SLC39A14: variants seen among roughly 807,000 people sequenced by gnomAD.
The protein encoded by SLC39A14 is solute carrier family 39 member 14.
A neutral mutation model predicts 45.5 loss-of-function variants in SLC39A14; 19 were observed. That is an observed-to-expected ratio of 0.42 (90% confidence interval 0.29 to 0.61). The LOEUF (loss-of-function observed/expected upper bound fraction) is 0.61, where lower values mean the gene tolerates loss of function less well. SLC39A14 is among the 20% of genes least tolerant of loss of function. The pLI is 0.22. For missense variants in SLC39A14, 447 were observed against 616.5 expected (o/e 0.73, Z 2.91); for synonymous variants, 264 against 251.3 (o/e 1.05, Z -0.48).
rs1199559125 is a variant in SLC39A14, at chr8:22,404,545, A to G, written c.-15-151A>G. On this transcript the variant is annotated intron_variant, in intron 1 of 8. Transcript: ENST00000381237. ...CGTTTTTATTCTGTGCTTTCAAAAG[A>G]AGGGTTTTTCTCAAAGGCTAATTCA... 23 of 656,264 alleles carry G rather than the reference A, an allele frequency of 3.5e-5. No homozygotes were observed. In the East Asian group the frequency reaches 5.4e-4, roughly 15 times the overall value. 40.7% of individuals were successfully genotyped at this position (656,264 alleles called of 1,614,324 possible).
At chr8:22,388,539 T>A (rs1257336465) in intron 1 of SLC39A14, among the ~76,000 whole-genome samples, 3 of 141,230 alleles carry the variant, frequency 2.1e-5, no homozygotes, top group Non-Finnish European at 4.6e-5. Flanking sequence ...GTTGGGAGGT[T>A]GTGCTTTGGG....
At chr8:22,381,212 T>A (rs1833489699) in intron 1 of SLC39A14, among the ~76,000 whole-genome samples, 1 of 152,058 alleles carries the variant, frequency 6.6e-6, no homozygotes, top group Non-Finnish European at 1.5e-5. Flanking sequence ...AACCTCGTGA[T>A]CTGCCCGCCT....
chr8:22,376,664 C>T (rs986993186), intron 1 of SLC39A14, among the ~76,000 whole-genome samples: 2 of 152,000 alleles, frequency 1.3e-5, no homozygotes, highest in African/African-American at 2.4e-5. Context: ...CAAAGGCCGA[C>T]GTCGGGAGTT....
chr8:22,401,755 C>T (rs929016515), intron 1 of SLC39A14, among the ~76,000 whole-genome samples: 1 of 151,778 alleles, frequency 6.6e-6, no homozygotes. Flanking sequence ...AGGCTGGTCT[C>T]GAACTCCTGA....
chr8:22,376,479 G>A (rs1002381434), intron 1 of SLC39A14, among the ~76,000 whole-genome samples: 5 of 151,256 alleles, frequency 3.3e-5, no homozygotes, highest in Admixed American at 1.3e-4. Context: ...CACTGCACTC[G>A]GCCATGTTGG....
chr8:22,419,967 A>G lies in SLC39A14; in HGVS notation c.*269A>G, dbSNP rs1168340758. 11 of 1,156,818 alleles carry G rather than the reference A, an allele frequency of 9.5e-6. No individual in the cohort carries two copies. The highest frequency in any genetic ancestry group is 9.6e-6 in the Non-Finnish European group (9 of 939,038). 71.7% of individuals were successfully genotyped at this position (1,156,818 alleles called of 1,614,324 possible). On this transcript the variant is annotated 3_prime_UTR_variant, in exon 9 of 9. Transcript: ENST00000381237. ...CTCTGGAACCTGAATGCAGCTTACA[A>G]GACAAGCCTGACTTTTTTCTCTGAT...
rs1357766263 is a variant in SLC39A14, at chr8:22,368,294, G to A, written c.-16+886G>A. Among the ~76,000 whole-genome samples the A allele has an allele frequency of 2.6e-5, 4 of 151,966 alleles. No individual in the cohort carries two copies. In the East Asian group the frequency reaches 5.8e-4, roughly 22 times the overall value. ...AGCCTGGTTTGGGTTTACGTCTTTA[G>A]TGGCTCTCCCCTAGGAGCCCCAGGC... On this transcript the variant is annotated intron_variant, in intron 1 of 8. Coordinates refer to ENST00000381237, the MANE Select transcript of SLC39A14 (RefSeq NM_001128431.4).
Position 22,416,291 on chromosome 8 carries a change from G to T in SLC39A14, c.1147+11G>T, listed in dbSNP as rs747993867. On this transcript the variant is annotated intron_variant, in intron 7 of 8. Coordinates refer to ENST00000381237, the MANE Select transcript of SLC39A14 (RefSeq NM_001128431.4). ...TCCCACATGAGCTAGGTAAGCGTGC[G>T]TCCCCCGTTCCACTGGTGCTCCCTT... 2.5e-6 allele frequency: 4 copies of T among 1,611,350 alleles called. No individual in the cohort carries two copies. Among genetic ancestry groups the T allele is most frequent in the Non-Finnish European group, 3.4e-6 (4 of 1,179,188 alleles).
At chr8:22,370,432 C>T (rs562479995) in intron 1 of SLC39A14, among the ~76,000 whole-genome samples, 2 of 152,270 alleles carry the variant, frequency 1.3e-5, no homozygotes, top group Admixed American at 1.3e-4. Flanking sequence ...CCTGACCTGG[C>T]CAAGGTAATG....
intron 1 of SLC39A14, among the ~76,000 whole-genome samples, chr8:22,402,768 CAAAAAAA>C (rs754943496): frequency 1.2e-5 from 1 of 82,684 alleles, no homozygotes; most frequent in Admixed American, 1.3e-4. Flanking sequence ...GACTCCATTT[CAAAAAAA>C]AAAAAAAAAA....
At chr8:22,426,258 C>T (rs991992724), downstream of SLC39A14, among the ~76,000 whole-genome samples, 2 of 152,070 alleles carry the variant, frequency 1.3e-5, no homozygotes, top group Non-Finnish European at 2.9e-5. Flanking sequence ...TGCAGTTTCT[C>T]GATCATGGCT....
Position 22,421,542 on chromosome 8 carries a change from G to A in SLC39A14, c.*1844G>A, listed in dbSNP as rs570893096. 8.6e-5 allele frequency: 85 copies of A among 985,408 alleles called. 1 individual carries two copies. In the South Asian group the frequency reaches 3.6e-3, roughly 42 times the overall value. 61.0% of individuals were successfully genotyped at this position (985,408 alleles called of 1,614,324 possible). A position where few individuals can be genotyped will look rare whatever the true frequency, so the allele number is the denominator to read the frequency against. On this transcript the variant is annotated 3_prime_UTR_variant, in exon 9 of 9. Transcript: ENST00000381237. ...CCAAAGAACCAATTCCTTGAATGTT[G>A]GAATCTAACTTTTTATATTGTCATT... is the stretch of plus-strand genomic sequence containing the variant.
chr8:22,411,945 C>A, intron 3 of SLC39A14, 92 bp from the exon 4 acceptor site: 1 of 1,256,550 alleles, frequency 8.0e-7, no homozygotes, highest in Non-Finnish European at 1.1e-6. Context: ...ATCTGCTCCA[C>A]CTTCCTCCCG....
At chr8:22,405,143 T>C (rs1009131294) in intron 2 of SLC39A14, among the ~76,000 whole-genome samples, 163 bp downstream of exon 2, 2 of 152,210 alleles carry the variant, frequency 1.3e-5, no homozygotes, top group African/African-American at 2.4e-5. Context: ...TCTCTCTCAT[T>C]GTCTGAATCA....
At chr8:22,405,556 GC>G (rs1835163508) in intron 2 of SLC39A14, among the ~76,000 whole-genome samples, 1 of 152,126 alleles carries the variant, frequency 6.6e-6, no homozygotes, top group African/African-American at 2.4e-5. Context: ...GGGGTTCTCA[GC>G]CCCCCAGAAT....
At chr8:22,412,302 C>A in intron 4 of SLC39A14, 96 bp downstream of exon 4, 1 of 1,310,324 alleles carries the variant, frequency 7.6e-7, no homozygotes, top group Non-Finnish European at 1.0e-6. Context: ...CACCTGGAGG[C>A]CCTTTCCTTT....
At chr8:22,374,685 A>G (rs1025123816) in intron 1 of SLC39A14, among the ~76,000 whole-genome samples, 3 of 150,518 alleles carry the variant, frequency 2.0e-5, no homozygotes, top group African/African-American at 4.9e-5. Flanking sequence ...AGCTGTTTCC[A>G]TATCAGAGAC....
chr8:22,387,016 TA>T (rs1426349631), intron 1 of SLC39A14, among the ~76,000 whole-genome samples: 3 of 151,548 alleles, frequency 2.0e-5, no homozygotes, highest in African/African-American at 4.9e-5. Context: ...TACAAAACAA[TA>T]AAAAAAGTAG....
chr8:22,383,304 C>A (rs1218743085), intron 1 of SLC39A14, among the ~76,000 whole-genome samples: 1 of 152,070 alleles, frequency 6.6e-6, no homozygotes, highest in East Asian at 1.9e-4. Flanking sequence ...TGCTGGGGAA[C>A]AAGGATCCAG....
Sources: allele counts gnomAD v4.1 joint callset (sites outside exome capture counted in the v4.1 genomes callset), GRCh38; gene constraint gnomAD v4.1.1; transcripts MANE v1.5; gene names NCBI Gene and HGNC (gene_info 2026-07-23, HGNC 2026-07-21).